Variants in PTPRT observed in about 807,000 individuals in gnomAD.
PTPRT encodes the protein receptor-type tyrosine-protein phosphatase T.
PTPRT carries 56 observed loss-of-function variants against 176.8 expected under a neutral mutation model. The observed-to-expected ratio is 0.32, with a 90% CI of 0.26 to 0.40. PTPRT has a LOEUF of 0.40. PTPRT is among the 10% of genes least tolerant of loss of function. The probability of loss-of-function intolerance (pLI) is 1.00; values close to 1 mark genes in which losing one functional copy is unlikely to be tolerated. For synonymous variants in PTPRT, 783 were observed against 739.0 expected (o/e 1.06, Z -0.96); for missense variants, 1,540 against 1,908.2 (o/e 0.81, Z 3.60).
intron 18 of PTPRT, among the ~76,000 whole-genome samples, chr20:42,133,580 C>T (rs960787074): frequency 3.3e-5 from 5 of 151,980 alleles, no homozygotes; most frequent in Non-Finnish European, 7.4e-5. Flanking sequence ...TGTTTAAGGC[C>T]GTGAAACTAT....
intron 9 of PTPRT, among the ~76,000 whole-genome samples, chr20:42,408,977 G>C (rs1324412293): frequency 6.6e-6 from 1 of 152,182 alleles, no homozygotes; most frequent in Non-Finnish European, 1.5e-5. Flanking sequence ...CCACATGGGA[G>C]GGCTCTGCCC....
At chr20:42,143,889 A>G (rs1462693155) in intron 17 of PTPRT, among the ~76,000 whole-genome samples, 1 of 152,218 alleles carries the variant, frequency 6.6e-6, no homozygotes, top group East Asian at 1.9e-4. Flanking sequence ...CCTTAGAGTT[A>G]TCCCACCATG....
At chr20:42,223,066 A>G (rs1413044929) in intron 15 of PTPRT, among the ~76,000 whole-genome samples, 1 of 152,206 alleles carries the variant, frequency 6.6e-6, no homozygotes, top group Non-Finnish European at 1.5e-5. Context: ...ATTCTCTTCC[A>G]TGTTGATGAC....
intron 6 of PTPRT, among the ~76,000 whole-genome samples, chr20:42,711,374 G>T (rs2076142494): frequency 6.6e-6 from 1 of 152,120 alleles, no homozygotes; most frequent in Admixed American, 6.5e-5. Flanking sequence ...GGGTCATGGG[G>T]GGCAGATCCC....
At chr20:42,156,787 A>T (rs1352374308) in intron 17 of PTPRT, among the ~76,000 whole-genome samples, 2 of 152,068 alleles carry the variant, frequency 1.3e-5, no homozygotes, top group Non-Finnish European at 2.9e-5. Context: ...ATCCAACCAC[A>T]TCTCACCACC....
rs752465911 is a variant in PTPRT, at chr20:42,076,059, T to A, written c.*4820A>T. On this transcript the variant is annotated 3_prime_UTR_variant, in exon 31 of 31. Coordinates refer to ENST00000373187, the MANE Select transcript of PTPRT (RefSeq NM_007050.6). ...CCAAATCTACCCCTTCTAATGTTGA[T>A]GAGGGTCCTTTTTTCATGTATGTTT... The A allele has an allele frequency of 3.2e-5, 7 of 220,268 alleles. No individual in the cohort carries two copies. The South Asian group carries it at 1.3e-3, about 41-fold the overall frequency. 13.6% of individuals were successfully genotyped at this position (220,268 alleles called of 1,614,324 possible). A position where few individuals can be genotyped will look rare whatever the true frequency, so the allele number is the denominator to read the frequency against.
the PTPRT span, among the ~76,000 whole-genome samples, chr20:42,033,339 A>G: frequency 1.1e-3 from 166 of 152,142 alleles, no homozygotes; most frequent in Admixed American, 2.0e-3. Context: ...TATTCTTCTA[A>G]TAATTCTTTA....
In PTPRT at chr20:42,204,974, C is replaced by CT. The variant is rs11472303; in HGVS notation, c.2343-5587dup. ...TTGGCTTGATACAACGAAGGAATTTCTTTTTTTTTTTTTATTATACTTTTA... is the reference window on the plus strand; with the variant it reads ...TTGGCTTGATACAACGAAGGAATTTCTTTTTTTTTTTTTTATTATACTTTTA... On this transcript the variant is annotated intron_variant, in intron 15 of 30. Transcript: ENST00000373187. Among the ~76,000 whole-genome samples the CT allele has an allele frequency of 8.4e-3, 1,172 of 138,814 alleles. 9 individuals carry two copies. Among genetic ancestry groups the CT allele is most frequent in the African/African-American group, 7.7e-3 (283 of 36,760 alleles). The allele number at this position is 138,814 out of a possible 152,430, so 91.1% of individuals were successfully genotyped here.
intron 12 of PTPRT, among the ~76,000 whole-genome samples, chr20:42,288,401 T>C (rs1257456705): frequency 6.6e-6 from 1 of 152,008 alleles, no homozygotes; most frequent in Non-Finnish European, 1.5e-5. Flanking sequence ...GCAGGTTTGT[T>C]ACATGAATAT....
At chr20:42,546,877 A>C (rs1045829056) in intron 7 of PTPRT, among the ~76,000 whole-genome samples, 2 of 152,218 alleles carry the variant, frequency 1.3e-5, no homozygotes, top group Non-Finnish European at 2.9e-5. Flanking sequence ...ACGTTTGTGC[A>C]TCCCCAAACA....
intron 13 of PTPRT, among the ~76,000 whole-genome samples, chr20:42,260,109 G>A (rs1181088100): frequency 6.6e-6 from 1 of 152,194 alleles, no homozygotes; most frequent in Admixed American, 6.5e-5. Context: ...GTTGAGTGAT[G>A]GGCACCAACA....
At chr20:42,791,522 T>C in intron 2 of PTPRT, 56 bp from the exon 3 acceptor site, 1 of 1,516,434 alleles carries the variant, frequency 6.6e-7, no homozygotes, top group Non-Finnish European at 8.9e-7. Context: ...AAGAAAATCC[T>C]TCTGAAAATC....
At chr20:42,106,746 G>A (rs1485880851) in intron 24 of PTPRT, 40 bp downstream of exon 24, 2 of 1,602,636 alleles carry the variant, frequency 1.2e-6, no homozygotes, top group South Asian at 1.1e-5. Context: ...CCTTGGTCAG[G>A]GCTACAGGTG....
intron 7 of PTPRT, among the ~76,000 whole-genome samples, chr20:42,594,563 C>T (rs987466442): frequency 6.6e-6 from 1 of 152,140 alleles, no homozygotes; most frequent in African/African-American, 2.4e-5. Context: ...ATACATACAC[C>T]TCTATGTACA....
chr20:43,166,267 C>T (rs111656164), intron 1 of PTPRT, among the ~76,000 whole-genome samples: 12,337 of 151,226 alleles, frequency 0.082, 982 homozygotes, highest in East Asian at 0.35. Context: ...GCAGAAGTTG[C>T]AGTGAGTCGA....
rs1213864303 is a variant in PTPRT, at chr20:42,508,927, A to T, written c.1154-36365T>A. On this transcript the variant is annotated intron_variant, in intron 7 of 30. Transcript: ENST00000373187. ...AATAATATAATTTATAAATATAAATAATATAATTTATAAATATAATTTATA... is the reference window on the plus strand; with the variant it reads ...AATAATATAATTTATAAATATAAATTATATAATTTATAAATATAATTTATA... 5.6e-5 allele frequency among the ~76,000 whole-genome samples: 8 copies of T among 143,970 alleles called. No individual in the cohort carries two copies. The South Asian group carries it at 1.3e-3, about 23-fold the overall frequency. The allele number at this position is 143,970 out of a possible 152,430, so 94.4% of individuals were successfully genotyped here. A position where few individuals can be genotyped will look rare whatever the true frequency, so the allele number is the denominator to read the frequency against.
intron 12 of PTPRT, among the ~76,000 whole-genome samples, chr20:42,287,538 T>C (rs2057250508): frequency 1.3e-5 from 2 of 151,544 alleles, no homozygotes; most frequent in South Asian, 4.2e-4. Context: ...GTTGATCTCA[T>C]AGAGGTAAAA....
chr20:42,901,099 A>C (rs1214884189), intron 1 of PTPRT, among the ~76,000 whole-genome samples: 2 of 151,914 alleles, frequency 1.3e-5, no homozygotes, highest in Non-Finnish European at 2.9e-5. Flanking sequence ...CATTCTCAAC[A>C]CCTGTTTCTC....
intron 11 of PTPRT, among the ~76,000 whole-genome samples, chr20:42,322,723 C>A (rs919974113): frequency 6.6e-6 from 1 of 151,904 alleles, no homozygotes; most frequent in African/African-American, 2.4e-5. Flanking sequence ...GTCTAAAACA[C>A]CAAAGCAATG....
Sources: allele counts gnomAD v4.1 joint callset (sites outside exome capture counted in the v4.1 genomes callset), GRCh38; gene constraint gnomAD v4.1.1; transcripts MANE v1.5; gene names NCBI Gene and HGNC (gene_info 2026-07-23, HGNC 2026-07-21).